CDHR4: variants seen among roughly 807,000 people sequenced by gnomAD.
The protein encoded by CDHR4 is cadherin-related family member 4.
A neutral mutation model predicts 88.4 loss-of-function variants in CDHR4; 89 were observed. The observed-to-expected ratio is 1.01, with a 90% confidence interval of 0.85 to 1.20. The LOEUF (loss-of-function observed/expected upper bound fraction) is 1.20, where lower values mean the gene tolerates loss of function less well. CDHR4 is among the 50% of genes most tolerant of loss of function. CDHR4 has a pLI of 0.00. For missense variants in CDHR4, 914 were observed against 1,007.2 expected (o/e 0.91, Z 1.25); for synonymous variants, 368 against 399.2 (o/e 0.92, Z 0.93).
At position 49,792,508 on chromosome 3, in the gene CDHR4, G is replaced by A. The variant is rs2081195388; in HGVS notation, c.2098C>T (p.Leu700Phe). ...CCAAGAAGCCAGCCTAGGGCCAAGA[G>A]GAGAAGAGCACCAGTTGCTGTCAAC... ...VVLTATGALL[L>F]LALGWLLGRL... is the part of the protein sequence containing the mutation. Residue 700 changes from leucine (L) to phenylalanine (F), a missense_variant, in exon 15 of 19, where the codon CTC (leucine) becomes TTC (phenylalanine). Leu to Phe is a conservative substitution (Grantham distance 22). Coordinates refer to ENST00000412678, the MANE Select transcript of CDHR4 (RefSeq NM_001007540.4). 1 of 1,551,694 alleles carries A rather than the reference G, an allele frequency of 6.4e-7. No homozygotes were observed. Among genetic ancestry groups the A allele is most frequent in the Non-Finnish European group, 8.7e-7 (1 of 1,146,972 alleles).
At position 49,795,385 on chromosome 3, in the gene CDHR4, T is replaced by A. The variant is rs1188047673; in HGVS notation, c.848-6A>T. The A allele has an allele frequency of 2.2e-5, 34 of 1,549,468 alleles. No individual in the cohort carries two copies. Among genetic ancestry groups the A allele is most frequent in the African/African-American group, 5.5e-5 (4 of 73,028 alleles). On this transcript the variant is annotated splice_polypyrimidine_tract_variant and splice_region_variant and intron_variant, in intron 7 of 18. Transcript: ENST00000412678. This position sits in a 1 kb window ranked among gnomAD's most constrained non-coding sequence, Gnocchi z 5.4. ...GGTCCGGACCACACCGTCTGCTGCA[T>A]GGGGTGAGAGAACACAGAGGTCAGG... is the stretch of plus-strand genomic sequence containing the variant.
chr3:49,799,158 T>C lies in CDHR4; in HGVS notation c.241-2A>G. On this transcript the variant is annotated splice_acceptor_variant, in intron 2 of 18. Transcript: ENST00000412678. LOFTEE classifies it high-confidence loss of function. The stretch of plus-strand genomic sequence containing the variant: ...CTGAGCAGAGCTGCTCAAGGTCAAC[T>C]GGGGTGGGTGGACAGTGCCATGTGG... 1.9e-6 allele frequency: 3 copies of C among 1,583,682 alleles called. No individual in the cohort carries two copies. The highest frequency in any genetic ancestry group is 2.6e-6 in the Non-Finnish European group (3 of 1,164,754).
At chr3:49,793,483 G>A in intron 12 of CDHR4, 100 bp downstream of exon 12, 8 of 1,492,054 alleles carry the variant, frequency 5.4e-6, no homozygotes, top group Non-Finnish European at 7.2e-6. Flanking sequence ...CCAACTCGTG[G>A]AAGAAACCAA....
At chr3:49,794,403 A>C (rs1324883194) in intron 10 of CDHR4, among the ~76,000 whole-genome samples, 1 of 151,976 alleles carries the variant, frequency 6.6e-6, no homozygotes, top group Non-Finnish European at 1.5e-5. Flanking sequence ...GTCTCAAAAA[A>C]AAAAAAAGAG....
chr3:49,799,395 T>A lies in CDHR4; in HGVS notation c.92A>T (p.Gln31Leu). 6.2e-7 allele frequency: 1 copy of A among 1,609,274 alleles called. No individual in the cohort carries two copies. Among genetic ancestry groups the A allele is most frequent in the Non-Finnish European group, 8.5e-7 (1 of 1,177,952 alleles). The part of the protein sequence containing the change: ...LPCFINVSES[Q>L]GPGTVLQFLS... Reference sequence around the variant, plus strand: ...AAACTGAAGGACTGTGCCAGGGCCCTGGCTCTCAGAGACATTTATAAAGCA... The same window carrying A: ...AAACTGAAGGACTGTGCCAGGGCCCAGGCTCTCAGAGACATTTATAAAGCA... Residue 31 changes from glutamine (Q) to leucine (L), a missense_variant, in exon 2 of 19, where the codon CAG becomes CTG. Gln to Leu is a moderately radical substitution (Grantham distance 113). Transcript: ENST00000412678.
At chr3:49,794,165 G>A (rs1463067187) in intron 10 of CDHR4, among the ~76,000 whole-genome samples, 159 bp from the exon 11 acceptor site, 1 of 152,180 alleles carries the variant, frequency 6.6e-6, no homozygotes, top group African/African-American at 2.4e-5. Flanking sequence ...TTGGGAGGCC[G>A]AGGCGGGCAG....
intron 4 of CDHR4, chr3:49,798,597 A>AT (rs2081309294): frequency 9.2e-6 from 5 of 541,328 alleles, no homozygotes; most frequent in Non-Finnish European, 1.6e-5. Context: ...CAAAAAAAAA[A>AT]AAAAAAAAGA....
chr3:49,798,587 C>CA (rs1204316024), intron 4 of CDHR4: 80,632 of 400,690 alleles, frequency 0.2, 4,524 homozygotes, highest in African/African-American at 0.26. Context: ...GACTCCGTCT[C>CA]AAAAAAAAAA....
Position 49,792,557 on chromosome 3 carries a change from C to T in CDHR4, c.2049G>A (p.Gln683=). Residue 683 remains glutamine, a synonymous_variant, in exon 15 of 19, where the codon CAG becomes CAA. Transcript: ENST00000412678. ...MLVTDTEAFW[Q]PQPWFVVVLT... ...ACACCACCACAAACCAGGGCTGTGG[C>T]TGCCAGAAAGCCTCTGTGTCTGTCA... 4 of 1,551,704 alleles carry T rather than the reference C, an allele frequency of 2.6e-6. No homozygotes were observed. Among genetic ancestry groups the T allele is most frequent in the Non-Finnish European group, 3.5e-6 (4 of 1,146,986 alleles).
intron 4 of CDHR4, chr3:49,798,107 C>T (rs1486569215): frequency 6.6e-6 from 1 of 151,426 alleles, no homozygotes; most frequent in Non-Finnish European, 1.5e-5. Context: ...AGAGTCTCAC[C>T]ATGATGGCCA....
At position 49,795,034 on chromosome 3, in the gene CDHR4, GTCCGGA is replaced by G; in HGVS notation, c.1092_1097del (p.Pro365_Asp366del). ...TGTAGTCCAGGGTGGCACCAACAGA[GTCCGGA>G]TCTTCGCAAGTGAGAGTATTCAGCA... is the stretch of plus-strand genomic sequence containing the variant. On this transcript the variant is annotated inframe_deletion, in exon 9 of 19. Coordinates refer to ENST00000412678, the MANE Select transcript of CDHR4 (RefSeq NM_001007540.4). This position sits in a 1 kb window ranked among gnomAD's most constrained non-coding sequence, Gnocchi z 5.4. 6.4e-7 allele frequency: 1 copy of G among 1,551,704 alleles called. No homozygotes were observed. Among genetic ancestry groups the G allele is most frequent in the Non-Finnish European group, 8.7e-7 (1 of 1,146,986 alleles).
At chr3:49,802,417 C>T (rs2081374100), upstream of CDHR4, among the ~76,000 whole-genome samples, 2 of 152,158 alleles carry the variant, frequency 1.3e-5, no homozygotes, top group Non-Finnish European at 2.9e-5. Context: ...CCTCGTGATC[C>T]GCCCGCCTCG....
In CDHR4 at chr3:49,792,897, G is replaced by T; in HGVS notation, c.1952C>A (p.Pro651His). 6.5e-7 allele frequency: 1 copy of T among 1,550,168 alleles called. No individual in the cohort carries two copies. Among genetic ancestry groups the T allele is most frequent in the South Asian group, 1.2e-5 (1 of 84,012 alleles). Residue 651 changes from proline to histidine, a missense_variant, in exon 14 of 19, where the codon CCC becomes CAC. Pro to His is a moderately conservative substitution (Grantham distance 77). Transcript: ENST00000412678. The part of the protein sequence containing the change: ...TTATIIVHLV[P>H]RRASTVATST... ...GGTGGCCACTGTGCTGGCCCTCCGG[G>T]GAACTAGATGCACAATAATGGTGGC...
At chr3:49,802,118 TCTTCTTCTCCTTCTTCTCCTTCTC>T (rs1441732874), upstream of CDHR4, among the ~76,000 whole-genome samples, 6 of 152,008 alleles carry the variant, frequency 3.9e-5, no homozygotes, top group Admixed American at 2.6e-4. Context: ...CCTAGAATGT[TCTTCTTCTCCTTCTTCTCCTTCTC>T]CTTCTTCTCC....
At position 49,792,905 on chromosome 3, in the gene CDHR4, A is replaced by C; in HGVS notation, c.1944T>G (p.His648Gln). 6.4e-7 allele frequency: 1 copy of C among 1,550,840 alleles called. No homozygotes were observed. The highest frequency in any genetic ancestry group is 8.7e-7 in the Non-Finnish European group (1 of 1,146,364). The change falls in exon 14 of 19, where the codon CAT becomes CAG. Residue 648 changes from histidine to glutamine, a missense_variant. His to Gln is a conservative substitution (Grantham distance 24, BLOSUM62 0). Coordinates refer to ENST00000412678, the MANE Select transcript of CDHR4 (RefSeq NM_001007540.4). Reference protein sequence around the residue: ...HLSTTATIIVHLVPRRASTVA... With the variant: ...HLSTTATIIVQLVPRRASTVA... ...CTGTGCTGGCCCTCCGGGGAACTAG[A>C]TGCACAATAATGGTGGCTGTGGTGC... is the stretch of plus-strand genomic sequence containing the variant.
intron 9 of CDHR4, 89 bp downstream of exon 9, chr3:49,794,858 C>G (rs919919060): frequency 1.6e-5 from 24 of 1,507,134 alleles, no homozygotes; most frequent in South Asian, 3.8e-5. Context: ...CCTCCACCCC[C>G]ACTCCCGTGG....
intron 3 of CDHR4, 31 bp downstream of exon 3, chr3:49,798,962 GC>G: frequency 6.2e-7 from 1 of 1,610,930 alleles, no homozygotes; most frequent in South Asian, 1.1e-5. Flanking sequence ...GGCCATGCCT[GC>G]CCCCACCCTG....
chr3:49,798,984 C>G lies in CDHR4; in HGVS notation c.403+10G>C. On this transcript the variant is annotated intron_variant, in intron 3 of 18. Transcript: ENST00000412678. ...CCTGCCCCCACCCTGCCGGCTGCCC[C>G]TGGCCTCACCTGGGCTGGCAAATTG... is the stretch of plus-strand genomic sequence containing the variant. The G allele has an allele frequency of 6.2e-7, 1 of 1,610,096 alleles. No homozygotes were observed. Among genetic ancestry groups the G allele is most frequent in the South Asian group, 1.1e-5 (1 of 90,250 alleles).
chr3:49,792,010 C>T, intron 15 of CDHR4, 51 bp from the exon 16 acceptor site: 1 of 1,521,936 alleles, frequency 6.6e-7, no homozygotes, highest in Non-Finnish European at 8.9e-7. Flanking sequence ...GGCCTACTGG[C>T]TCCAGGAATC....
Sources: gnomAD v4.1 joint callset for allele counts (sites outside exome capture counted in the v4.1 genomes callset) on GRCh38, gnomAD v4.1.1 for gene constraint, Gnocchi (gnomAD v3.1) non-coding constraint, MANE v1.5 for transcripts, NCBI Gene and HGNC (gene_info 2026-07-23, HGNC 2026-07-21) for gene names.